Variants in NSMCE2 observed in about 807,000 individuals in gnomAD.
The protein encoded by NSMCE2 is E3 SUMO-protein ligase NSE2.
NSMCE2 carries 24 observed loss-of-function variants against 23.8 expected under a neutral mutation model. The observed-to-expected ratio is 1.01, with a 90% CI of 0.73 to 1.42. The LOEUF is 1.42. Among genes scored for constraint, NSMCE2 ranks in the 40% most tolerant of loss-of-function variants. The pLI, the probability that NSMCE2 is intolerant of heterozygous loss-of-function variation, is 0.00. For synonymous variants in NSMCE2, 92 were observed against 94.1 expected, an observed-to-expected ratio of 0.98 and a Z score of 0.13; for missense variants, 284 against 296.5, an observed-to-expected ratio of 0.96 and a Z score of 0.31.
At chr8:125,329,935 T>A (rs200685886) in intron 5 of NSMCE2, among the ~76,000 whole-genome samples, 2 of 152,022 alleles carry the variant, frequency 1.3e-5, no homozygotes, top group East Asian at 1.9e-4. Flanking sequence ...AGACTGGTTG[T>A]TATTTTTTTT....
At chr8:125,144,527 G>A (rs1820563951) in intron 3 of NSMCE2, among the ~76,000 whole-genome samples, 1 of 152,210 alleles carries the variant, frequency 6.6e-6, no homozygotes, top group Non-Finnish European at 1.5e-5. Context: ...AGTCCATGCT[G>A]TGCTACATAA....
chr8:125,309,668 T>A (rs1828904852), intron 5 of NSMCE2, among the ~76,000 whole-genome samples: 1 of 151,990 alleles, frequency 6.6e-6, no homozygotes. Flanking sequence ...AAGGCTACAG[T>A]GAGCTATGAT....
At chr8:125,226,207 C>G in intron 5 of NSMCE2, among the ~76,000 whole-genome samples, 1 of 152,174 alleles carries the variant, frequency 6.6e-6, no homozygotes, top group East Asian at 1.9e-4. Flanking sequence ...CCCAGAGGGC[C>G]TCATGACTTT....
chr8:125,341,578 T>G (rs918759234), intron 5 of NSMCE2, among the ~76,000 whole-genome samples: 8 of 146,178 alleles, frequency 5.5e-5, no homozygotes, highest in African/African-American at 1.9e-4. Context: ...CATCTGTTAG[T>G]TTTTTTTTTC....
At chr8:125,350,560 G>A (rs139105550) in intron 5 of NSMCE2, among the ~76,000 whole-genome samples, 1 of 152,286 alleles carries the variant, frequency 6.6e-6, no homozygotes, top group African/African-American at 2.4e-5. Flanking sequence ...TGGACTTAAC[G>A]TTCCACATGG....
intron 3 of NSMCE2, among the ~76,000 whole-genome samples, chr8:125,150,936 T>A (rs895481683): frequency 6.6e-6 from 1 of 152,204 alleles, no homozygotes; most frequent in African/African-American, 2.4e-5. Context: ...TACCACTGCC[T>A]TTGAGCTGTC....
At position 125,138,982 on chromosome 8, in the gene NSMCE2, G is replaced by A. The variant is rs144411786; in HGVS notation, c.158-12189G>A. On this transcript the variant is annotated intron_variant, in intron 3 of 7. Transcript: ENST00000287437. ...TAAAATTACTCTATGCAGAAGTTAT[G>A]TGGTGTAAATAAGTTAATGTGTGTG... Among the ~76,000 whole-genome samples, 604 of 152,280 alleles carry A rather than the reference G, an allele frequency of 4.0e-3. 6 individuals carry two copies. Among genetic ancestry groups the A allele is most frequent in the African/African-American group, 0.013 (532 of 41,558 alleles).
At position 125,209,303 on chromosome 8, in the gene NSMCE2, A is replaced by G. The variant is rs564463364; in HGVS notation, c.418+27047A>G. 5.0e-4 allele frequency among the ~76,000 whole-genome samples: 76 copies of G among 152,366 alleles called. 1 individual carries two copies. The highest frequency in any genetic ancestry group is 9.6e-4 in the Non-Finnish European group (65 of 68,034). ...AGTACAACATAGACAAAAGTAAGGA[A>G]ACCCCCATTGAGTGATGTCAACTGG... On this transcript the variant is annotated intron_variant, in intron 5 of 7. Coordinates refer to ENST00000287437, the MANE Select transcript of NSMCE2 (RefSeq NM_173685.4).
intron 5 of NSMCE2, among the ~76,000 whole-genome samples, chr8:125,316,655 TTTCC>T (rs1050295668): frequency 2.8e-4 from 20 of 71,646 alleles, no homozygotes; most frequent in East Asian, 5.6e-4. Flanking sequence ...TCTTTCCTTC[TTTCC>T]TTCCTTCCTT....
At chr8:125,336,981 C>G (rs937038086) in intron 5 of NSMCE2, among the ~76,000 whole-genome samples, 2 of 152,210 alleles carry the variant, frequency 1.3e-5, no homozygotes, top group African/African-American at 4.8e-5. Flanking sequence ...TAGTAATATC[C>G]CAACATCTGA....
chr8:125,320,678 A>T (rs969925823), intron 5 of NSMCE2, among the ~76,000 whole-genome samples: 1 of 152,156 alleles, frequency 6.6e-6, no homozygotes, highest in Non-Finnish European at 1.5e-5. Flanking sequence ...AGACATAAAG[A>T]TTTTTTCAGA....
Position 125,102,060 on chromosome 8 carries a change from C to T in NSMCE2, c.-101C>T, listed in dbSNP as rs922197253. The T allele has an allele frequency of 1.3e-5, 4 of 316,768 alleles. No homozygotes were observed. The East Asian group carries it at 2.2e-4, about 17-fold the overall frequency. 19.6% of individuals were successfully genotyped at this position (316,768 alleles called of 1,614,324 possible). On this transcript the variant is annotated 5_prime_UTR_variant, in exon 2 of 8. Coordinates refer to ENST00000287437, the MANE Select transcript of NSMCE2 (RefSeq NM_173685.4). ...GTTGACTTCTTCACAGAATCAAGCA[C>T]TCTTTTGGAAGAGGGTAATCTCTCT...
rs2130802783 is a variant in NSMCE2, at chr8:125,182,083, AATTT to A, written c.265-19_265-16del. On this transcript the variant is annotated splice_polypyrimidine_tract_variant and intron_variant, in intron 4 of 7. Coordinates refer to ENST00000287437, the MANE Select transcript of NSMCE2 (RefSeq NM_173685.4). Reference sequence around the variant, plus strand: ...ATTATTATTAACATTTAACTCAGGTAATTTTGTTGTCTCCCTTAGGTGAAAGAAG... The same window carrying A: ...ATTATTATTAACATTTAACTCAGGTATGTTGTCTCCCTTAGGTGAAAGAAG... 1 of 1,539,820 alleles carries A rather than the reference AATTT, an allele frequency of 6.5e-7. No individual in the cohort carries two copies. The highest frequency in any genetic ancestry group is 8.8e-7 in the Non-Finnish European group (1 of 1,139,518).
At chr8:125,272,846 T>TATAC (rs1554629678) in intron 5 of NSMCE2, among the ~76,000 whole-genome samples, 1 of 139,680 alleles carries the variant, frequency 7.2e-6, no homozygotes, top group Non-Finnish European at 1.5e-5. Flanking sequence ...CACACGTATA[T>TATAC]ACACACACAC....
intron 5 of NSMCE2, among the ~76,000 whole-genome samples, chr8:125,195,326 T>A (rs1316962975): frequency 6.6e-6 from 1 of 152,078 alleles, no homozygotes; most frequent in Non-Finnish European, 1.5e-5. Context: ...TAATGTACAA[T>A]GAGGGTTGAA....
At chr8:125,098,462 C>T (rs901628349) in intron 1 of NSMCE2, among the ~76,000 whole-genome samples, 1 of 152,044 alleles carries the variant, frequency 6.6e-6, no homozygotes, top group Non-Finnish European at 1.5e-5. Context: ...CATGATCTTA[C>T]GTACATTTTC....
In NSMCE2 at chr8:125,102,353, AT is replaced by A. The variant is rs768207695; in HGVS notation, c.25del (p.Ser9GlnfsTer12). The A allele has an allele frequency of 4.5e-5, 73 of 1,613,668 alleles. No homozygotes were observed. Among genetic ancestry groups the A allele is most frequent in the Non-Finnish European group, 5.8e-5 (68 of 1,179,716 alleles). MPGRSSS[N>X]SGSTGFISFS... ...AAGATGCCAGGACGTTCCAGTTCAA[AT>A]TCAGGTTCAACTGGTTTCATCTCCT... is the stretch of plus-strand genomic sequence containing the variant. On this transcript the variant is annotated frameshift_variant, in exon 3 of 8. Transcript: ENST00000287437. LOFTEE classifies it high-confidence loss of function.
intron 5 of NSMCE2, among the ~76,000 whole-genome samples, chr8:125,277,503 T>G (rs934813491): frequency 6.6e-6 from 1 of 151,620 alleles, no homozygotes; most frequent in African/African-American, 2.4e-5. Flanking sequence ...GTCATCTTCT[T>G]CTTCTTCTTT....
chr8:125,340,773 C>A (rs117885323), intron 5 of NSMCE2, among the ~76,000 whole-genome samples: 251 of 152,234 alleles, frequency 1.6e-3, no homozygotes, highest in Non-Finnish European at 2.7e-3. Flanking sequence ...AGATGAATAG[C>A]CCTCAGTCTG....
Sources: gnomAD v4.1 joint callset for allele counts (sites outside exome capture counted in the v4.1 genomes callset) on GRCh38, gnomAD v4.1.1 for gene constraint, MANE v1.5 for transcripts, NCBI Gene and HGNC (gene_info 2026-07-23, HGNC 2026-07-21) for gene names.